DLGAP2: variants seen among roughly 807,000 people sequenced by gnomAD.
DLGAP2 encodes the protein disks large-associated protein 2.
Under a neutral mutation model 100.3 loss-of-function variants are expected in DLGAP2, and 26 were observed. The ratio of observed to expected loss-of-function variants is 0.26; its 90% CI spans 0.19 to 0.36. The LOEUF (loss-of-function observed/expected upper bound fraction) is 0.36. Among genes scored for constraint, DLGAP2 ranks in the 10% least tolerant of loss-of-function variants. The pLI, the probability that DLGAP2 is intolerant of heterozygous loss-of-function variation, is 1.00. For missense variants in DLGAP2, 1,858 were observed against 1,453.2 expected (o/e 1.28, Z -4.53); for synonymous variants, 886 against 630.1 (o/e 1.41, Z -6.08).
intron 3 of DLGAP2, among the ~76,000 whole-genome samples, chr8:1,478,134 C>T (rs1010638418): frequency 4.6e-5 from 7 of 152,186 alleles, no homozygotes; most frequent in African/African-American, 1.7e-4. Flanking sequence ...ATGAAATGCC[C>T]TCTGTTTTTT....
intron 6 of DLGAP2, among the ~76,000 whole-genome samples, chr8:1,626,370 G>C (rs2469669): frequency 8.8e-6 from 1 of 114,074 alleles, no homozygotes; most frequent in African/African-American, 3.7e-5. Context: ...CAGGTGCTCA[G>C]CCTCTGGGTG....
chr8:1,588,525 C>T (rs1415642380), intron 6 of DLGAP2, among the ~76,000 whole-genome samples: 1 of 151,896 alleles, frequency 6.6e-6, no homozygotes, highest in Non-Finnish European at 1.5e-5. Context: ...TTTATTCATT[C>T]GGTAAGTAAA....
At chr8:1,284,143 G>A (rs142456006) in intron 3 of DLGAP2, among the ~76,000 whole-genome samples, 115 of 152,328 alleles carry the variant, frequency 7.5e-4, no homozygotes, top group Non-Finnish European at 1.2e-3. Flanking sequence ...TTGTGACTGC[G>A]CGGCTGTCTC....
intron 4 of DLGAP2, among the ~76,000 whole-genome samples, chr8:1,516,939 T>TA (rs748222376): frequency 6.6e-6 from 1 of 152,112 alleles, no homozygotes; most frequent in Non-Finnish European, 1.5e-5. Context: ...ATAAAATACA[T>TA]AAAAAATGAA....
intron 3 of DLGAP2, among the ~76,000 whole-genome samples, chr8:1,305,718 T>C (rs1202585066): frequency 6.6e-6 from 1 of 152,210 alleles, no homozygotes; most frequent in African/African-American, 2.4e-5. Context: ...ACATACTGTG[T>C]ACCACCTAAA....
intron 12 of DLGAP2, among the ~76,000 whole-genome samples, chr8:1,683,952 GTGTATATATATATA>G (rs1241354300): frequency 6.4e-4 from 13 of 20,346 alleles, no homozygotes; most frequent in African/African-American, 2.5e-3. Flanking sequence ...ATATATATGT[GTGTATATATATATA>G]TATATATATA....
At chr8:1,668,887 C>T (rs1798617120) in intron 9 of DLGAP2, among the ~76,000 whole-genome samples, 1 of 152,176 alleles carries the variant, frequency 6.6e-6, no homozygotes, top group Admixed American at 6.5e-5. Context: ...TGATGCGGAC[C>T]CCAGTGCAGG....
chr8:1,349,993 C>T (rs1801670576), intron 3 of DLGAP2, among the ~76,000 whole-genome samples: 1 of 152,266 alleles, frequency 6.6e-6, no homozygotes, highest in East Asian at 1.9e-4. Context: ...GCAACCAAAA[C>T]AACACATATA....
At chr8:840,533 G>A (rs540533435) in intron 1 of DLGAP2, among the ~76,000 whole-genome samples, 91 of 74,724 alleles carry the variant, frequency 1.2e-3, no homozygotes, top group African/African-American at 4.1e-3. Context: ...ACGCCTGCAC[G>A]TCTCCCCACA....
At chr8:854,051 G>A (rs1480086978) in intron 1 of DLGAP2, among the ~76,000 whole-genome samples, 1 of 152,184 alleles carries the variant, frequency 6.6e-6, no homozygotes, top group Non-Finnish European at 1.5e-5. Flanking sequence ...GAGGCCCTCG[G>A]CAGAGAGTGG....
At chr8:1,117,835 G>C (rs1795931131) in intron 2 of DLGAP2, among the ~76,000 whole-genome samples, 1 of 152,110 alleles carries the variant, frequency 6.6e-6, no homozygotes, top group Non-Finnish European at 1.5e-5. Flanking sequence ...CCCTTTCACA[G>C]TGGGCAGCAC....
chr8:1,070,865 C>G (rs1389090749), intron 2 of DLGAP2, among the ~76,000 whole-genome samples: 1 of 152,220 alleles, frequency 6.6e-6, no homozygotes. Flanking sequence ...CTCGCCCTCA[C>G]TCTCCAGACC....
rs569483486 is a variant in DLGAP2 at position 1,266,596 on chromosome 8, A to C, written c.106+7713A>C. Among the ~76,000 whole-genome samples the C allele has an allele frequency of 2.0e-5, 3 of 152,264 alleles. No individual in the cohort carries two copies. In the East Asian group the frequency reaches 5.8e-4, roughly 29 times the overall value. ...TAATCTTGCCCCTACTGGTCTGTCC[A>C]ATGCTGTTTAACCACATATGAAATA... On this transcript the variant is annotated intron_variant, in intron 3 of 14. Coordinates refer to ENST00000637795, the MANE Select transcript of DLGAP2 (RefSeq NM_001346810.2).
intron 3 of DLGAP2, among the ~76,000 whole-genome samples, chr8:1,356,537 C>T (rs994659873): frequency 3.9e-5 from 6 of 152,100 alleles, no homozygotes; most frequent in African/African-American, 9.7e-5. Flanking sequence ...AGGAAGCGCT[C>T]CTCCCTCGGG....
chr8:1,569,115 C>G (rs1802551630), intron 6 of DLGAP2, among the ~76,000 whole-genome samples: 1 of 148,702 alleles, frequency 6.7e-6, no homozygotes, highest in African/African-American at 2.5e-5. Context: ...ACTGCCCACT[C>G]ACCAGACACA....
At chr8:1,373,657 A>G (rs1458431460) in intron 3 of DLGAP2, 2 of 152,364 alleles carry the variant, frequency 1.3e-5, no homozygotes, top group Middle Eastern at 3.4e-3. Context: ...AGTCTCGATC[A>G]TCAGTGAAGT....
intron 3 of DLGAP2, among the ~76,000 whole-genome samples, chr8:1,316,359 T>C (rs1585252311): frequency 7.3e-6 from 1 of 137,320 alleles, no homozygotes. Flanking sequence ...GCAGCGTCTC[T>C]CCAACGGTGG....
intron 3 of DLGAP2, among the ~76,000 whole-genome samples, chr8:1,453,203 T>C (rs1395550222): frequency 6.6e-6 from 1 of 151,722 alleles, no homozygotes; most frequent in Non-Finnish European, 1.5e-5. Flanking sequence ...GGATGGAAGG[T>C]CTTAGGCACA....
chr8:1,549,185 C>T lies in DLGAP2; in HGVS notation c.732C>T (p.His244=), dbSNP rs370190609. 8.7e-5 allele frequency: 139 copies of T among 1,599,750 alleles called. 2 individuals carry two copies. In the East Asian group the frequency reaches 2.7e-3, roughly 32 times the overall value. The stretch of plus-strand genomic sequence containing the variant: ...TGCAGAAGCTCTTCACCAAGTCGCA[C>T]TCGCTGGAGGGCTCCTCCAAAAGCA... The part of the protein sequence containing the change: ...HSVQKLFTKS[H]SLEGSSKSNA... Residue 244 remains histidine (H), a synonymous_variant, in exon 5 of 15, where the codon CAC becomes CAT. Transcript: ENST00000637795.
Sources: gnomAD v4.1 joint callset for allele counts (sites outside exome capture counted in the v4.1 genomes callset) on GRCh38, gnomAD v4.1.1 for gene constraint, MANE v1.5 for transcripts, NCBI Gene and HGNC (gene_info 2026-07-23, HGNC 2026-07-21) for gene names.